The following C5orf58 variants were observed in gnomAD, a reference collection of about 807,000 sequenced individuals.
C5orf58 encodes chromosome 5 open reading frame 58.
A neutral mutation model predicts 2.9 loss-of-function variants in C5orf58; 2 were observed. That is an observed-to-expected ratio of 0.69 (90% confidence interval 0.28 to 2.18). C5orf58 has a LOEUF of 2.18. Ranked by LOEUF, C5orf58 falls within the 30% of genes most tolerant of loss-of-function variation. The pLI is 0.13. For missense variants in C5orf58, 96 were observed against 91.7 expected (o/e 1.05, Z -0.19); for synonymous variants, 37 against 33.4 (o/e 1.11, Z -0.37).
exon 3 of C5orf58, chr5:170,251,829 C>T (rs1383296363): frequency 3.0e-6 from 1 of 328,004 alleles, no homozygotes; most frequent in East Asian, 7.5e-5. Context: ...CAAAAGTTCT[C>T]CGGGTGATCT....
At chr5:170,251,177 T>C (rs548388175), downstream of C5orf58, 456 of 297,378 alleles carry the variant, frequency 1.5e-3, 1 homozygote, top group Non-Finnish European at 2.3e-3. Context: ...TGTTCAGTAA[T>C]AAATAATGGG....
In C5orf58 at chr5:170,245,959, C is replaced by T; in HGVS notation, c.95-3C>T. On this transcript the variant is annotated splice_region_variant and splice_polypyrimidine_tract_variant and intron_variant, in intron 3 of 3. Coordinates refer to ENST00000593851, the MANE Select transcript of C5orf58 (RefSeq NM_001102609.3). ...ATAATATCTCCTGTTTTGTTTTGCA[C>T]AGAGCTCTCCCAGTTATTGCTTTGT... 1 of 1,611,700 alleles carries T rather than the reference C, an allele frequency of 6.2e-7. No individual in the cohort carries two copies. Among genetic ancestry groups the T allele is most frequent in the Non-Finnish European group, 8.5e-7 (1 of 1,178,988 alleles).
chr5:170,249,554 G>A (rs1219972456), downstream of C5orf58, among the ~76,000 whole-genome samples: 1 of 152,002 alleles, frequency 6.6e-6, no homozygotes, highest in Non-Finnish European at 1.5e-5. Flanking sequence ...AATAGTGTTA[G>A]GAAACATAAG....
intron 3 of C5orf58, among the ~76,000 whole-genome samples, chr5:170,236,320 G>A (rs1186687755): frequency 6.6e-6 from 1 of 152,114 alleles, no homozygotes; most frequent in Non-Finnish European, 1.5e-5. Context: ...TTTGATCTGT[G>A]AACCCTGCTG....
At chr5:170,244,865 A>G (rs1242403437) in intron 3 of C5orf58, among the ~76,000 whole-genome samples, 1 of 151,954 alleles carries the variant, frequency 6.6e-6, no homozygotes, top group Non-Finnish European at 1.5e-5. Flanking sequence ...TCTGCGTTTT[A>G]GAGTTTCCAG....
chr5:170,234,302 C>A, intron 2 of C5orf58, 104 bp downstream of exon 2: 2 of 615,322 alleles, frequency 3.3e-6, no homozygotes, highest in Non-Finnish European at 2.8e-6. Context: ...TTTTTCAAGT[C>A]ATTTTGAGAG....
At chr5:170,237,434 A>G (rs1207279790) in intron 3 of C5orf58, 3 of 396,172 alleles carry the variant, frequency 7.6e-6, no homozygotes, top group Admixed American at 8.8e-5. Context: ...AAGGTCAAGC[A>G]ACTAGTCAGT....
downstream of C5orf58, chr5:170,250,780 G>C (rs1030709660): frequency 1.2e-6 from 2 of 1,612,632 alleles, no homozygotes; most frequent in African/African-American, 2.7e-5. Context: ...CTTTCCTTCT[G>C]ATAACGGATC....
chr5:170,252,219 G>C, downstream of C5orf58: 1 of 380,950 alleles, frequency 2.6e-6, no homozygotes. Flanking sequence ...TGACTGCCTT[G>C]AGATTCTTCT....
intron 3 of C5orf58, among the ~76,000 whole-genome samples, chr5:170,236,686 T>C (rs904527604): frequency 6.6e-6 from 1 of 152,248 alleles, no homozygotes; most frequent in East Asian, 1.9e-4. Flanking sequence ...CTGAACTATT[T>C]GCATATCTCC....
chr5:170,238,902 A>C (rs987353525), intron 3 of C5orf58, among the ~76,000 whole-genome samples: 3 of 152,222 alleles, frequency 2.0e-5, no homozygotes, highest in African/African-American at 7.2e-5. Flanking sequence ...ATGTCACCAA[A>C]CAAGGGAACA....
chr5:170,251,102 G>C (rs562050449), downstream of C5orf58: 2 of 471,398 alleles, frequency 4.2e-6, no homozygotes, highest in East Asian at 3.6e-5. Flanking sequence ...AAAGGCAACA[G>C]AGATTGTATC....
At chr5:170,234,860 T>G in intron 2 of C5orf58, 117 bp from the exon 3 acceptor site, 1 of 528,850 alleles carries the variant, frequency 1.9e-6, no homozygotes, top group Non-Finnish European at 3.3e-6. Flanking sequence ...TTATAAAGAT[T>G]TGTTTCATAA....
At chr5:170,245,479 G>A (rs1212802244) in intron 3 of C5orf58, among the ~76,000 whole-genome samples, 2 of 152,192 alleles carry the variant, frequency 1.3e-5, no homozygotes, top group East Asian at 1.9e-4. Flanking sequence ...CTCGTGGTGC[G>A]CCGTTTTTTA....
chr5:170,245,819 T>A (rs997938779), intron 3 of C5orf58, 143 bp from the exon 4 acceptor site: 1 of 768,166 alleles, frequency 1.3e-6, no homozygotes, highest in African/African-American at 1.7e-5. Context: ...TTATTTTAAG[T>A]CAGAATGGGA....
At chr5:170,250,804 C>G, downstream of C5orf58, 2 of 1,612,270 alleles carry the variant, frequency 1.2e-6, no homozygotes, top group Non-Finnish European at 1.7e-6. Flanking sequence ...ATGTTGTAAA[C>G]TTTATCTTTG....
chr5:170,239,888 T>G (rs902991371), intron 3 of C5orf58, among the ~76,000 whole-genome samples: 8 of 152,196 alleles, frequency 5.3e-5, no homozygotes, highest in Non-Finnish European at 8.8e-5. Context: ...ACTCGTCATC[T>G]AGCATTATGT....
At chr5:170,236,443 T>C (rs1166863637) in intron 3 of C5orf58, among the ~76,000 whole-genome samples, 1 of 152,190 alleles carries the variant, frequency 6.6e-6, no homozygotes, top group Non-Finnish European at 1.5e-5. Flanking sequence ...CAGTACATAT[T>C]AAGAAATCTG....
chr5:170,235,428 A>G (rs935253735), intron 3 of C5orf58, among the ~76,000 whole-genome samples: 2 of 152,206 alleles, frequency 1.3e-5, no homozygotes, highest in Non-Finnish European at 2.9e-5. Context: ...ATTCCAAATT[A>G]AAAAGTATAA....
Sources: allele counts gnomAD v4.1 joint callset (sites outside exome capture counted in the v4.1 genomes callset), GRCh38; gene constraint gnomAD v4.1.1; transcripts MANE v1.5; gene names NCBI Gene and HGNC (gene_info 2026-07-23, HGNC 2026-07-21).